The following TTC23 variants were observed in gnomAD, a reference collection of about 807,000 sequenced individuals.
The protein encoded by TTC23 is tetratricopeptide repeat protein 23.
In TTC23, 58 loss-of-function variants were observed where a neutral mutation model predicts 55.1. The observed-to-expected ratio is 1.05, with a 90% CI of 0.85 to 1.31. TTC23 has a LOEUF of 1.31. TTC23 is among the 50% of genes most tolerant of loss of function. The probability of loss-of-function intolerance (pLI) is 0.00; values close to 1 mark genes in which losing one functional copy is unlikely to be tolerated. For synonymous variants in TTC23, 203 were observed against 199.9 expected (o/e 1.02, Z -0.13); for missense variants, 516 against 534.4 (o/e 0.97, Z 0.34).
chr15:99,175,813 G>A (rs1182563018), intron 9 of TTC23, among the ~76,000 whole-genome samples: 4 of 152,166 alleles, frequency 2.6e-5, no homozygotes, highest in African/African-American at 9.7e-5. Flanking sequence ...TGGCCAACAT[G>A]GTGAAACCTC....
intron 9 of TTC23, among the ~76,000 whole-genome samples, chr15:99,189,108 A>G (rs1302187174): frequency 2.6e-5 from 4 of 152,190 alleles, no homozygotes; most frequent in African/African-American, 9.6e-5. Context: ...AAAAACCCAT[A>G]GTACATACAT....
At chr15:99,179,908 T>C (rs1212617046) in intron 9 of TTC23, among the ~76,000 whole-genome samples, 1 of 152,254 alleles carries the variant, frequency 6.6e-6, no homozygotes, top group East Asian at 1.9e-4. Flanking sequence ...TGCTAGTGTT[T>C]AGACTACACT....
intron 1 of TTC23, among the ~76,000 whole-genome samples, chr15:99,247,214 G>GGA (rs1271215436): frequency 1.3e-5 from 2 of 152,044 alleles, no homozygotes; most frequent in Admixed American, 6.6e-5. Flanking sequence ...CATACACTCT[G>GGA]GTGGAAATGT....
At position 99,165,754 on chromosome 15, in the gene TTC23, C is replaced by T. The variant is rs1361218094; in HGVS notation, c.866-3887G>A. 5.3e-5 allele frequency among the ~76,000 whole-genome samples: 8 copies of T among 152,120 alleles called. No individual in the cohort carries two copies. In the East Asian group the frequency reaches 1.2e-3, roughly 22 times the overall value. On this transcript the variant is annotated intron_variant, in intron 10 of 13. Coordinates refer to ENST00000394132, the MANE Select transcript of TTC23 (RefSeq NM_001288615.3). ...TAGCTGCCCATGCGAGAAAACGTTG[C>T]AGATTTAATGTGCAAACTGAGTATT... is the stretch of plus-strand genomic sequence containing the variant.
chr15:99,140,963 CAA>C (rs1202101078), intron 12 of TTC23: 1 of 152,108 alleles, frequency 6.6e-6, no homozygotes, highest in African/African-American at 2.4e-5. Flanking sequence ...ACAGATTATT[CAA>C]AGAGTTGAAA....
intron 2 of TTC23, among the ~76,000 whole-genome samples, chr15:99,244,907 A>G (rs1053890542): frequency 1.3e-5 from 2 of 152,236 alleles, no homozygotes; most frequent in Non-Finnish European, 2.9e-5. Context: ...AAGTAATCAA[A>G]AGTGTTGTAC....
intron 1 of TTC23, among the ~76,000 whole-genome samples, chr15:99,248,874 C>A (rs1235452083): frequency 6.6e-6 from 1 of 152,056 alleles, no homozygotes. Flanking sequence ...CATGCTGATT[C>A]TGCTTCAGGT....
At chr15:99,199,375 C>G (rs2076006468) in intron 9 of TTC23, among the ~76,000 whole-genome samples, 1 of 140,822 alleles carries the variant, frequency 7.1e-6, no homozygotes, top group Admixed American at 7.6e-5. Flanking sequence ...TGAAACCAGC[C>G]TGGGCAACAT....
intron 10 of TTC23, among the ~76,000 whole-genome samples, chr15:99,173,869 G>C (rs557153128): frequency 6.6e-6 from 1 of 152,140 alleles, no homozygotes; most frequent in Non-Finnish European, 1.5e-5. Flanking sequence ...TGCTTGCTTG[G>C]TTCCTGTAGA....
intron 9 of TTC23, among the ~76,000 whole-genome samples, chr15:99,197,938 G>T (rs1447534673): frequency 6.6e-6 from 1 of 151,870 alleles, no homozygotes; most frequent in Non-Finnish European, 1.5e-5. Context: ...AAAAGAAAGG[G>T]ACAGAGGACA....
chr15:99,161,077 G>A (rs916295602), intron 11 of TTC23: 1 of 150,702 alleles, frequency 6.6e-6, no homozygotes, highest in Non-Finnish European at 1.5e-5. Flanking sequence ...GGTGCGCTGA[G>A]AAGAGGGTGT....
intron 8 of TTC23, among the ~76,000 whole-genome samples, chr15:99,205,425 G>C (rs750234211): frequency 2.0e-5 from 3 of 152,046 alleles, no homozygotes; most frequent in Middle Eastern, 3.2e-3. Flanking sequence ...TCCAATCCAT[G>C]AACATGAAAT....
chr15:99,199,823 G>C, intron 9 of TTC23, 96 bp downstream of exon 9: 1 of 1,283,872 alleles, frequency 7.8e-7, no homozygotes, highest in Non-Finnish European at 1.1e-6. Context: ...TAGAGCAAAT[G>C]ACAAAGCCAG....
At chr15:99,215,976 G>C (rs910856265) in intron 8 of TTC23, among the ~76,000 whole-genome samples, 2 of 152,108 alleles carry the variant, frequency 1.3e-5, no homozygotes, top group African/African-American at 2.4e-5. Flanking sequence ...CTAGGATATA[G>C]TATCAGACAG....
intron 11 of TTC23, among the ~76,000 whole-genome samples, chr15:99,161,391 A>G (rs2071362130): frequency 1.3e-5 from 2 of 152,204 alleles, no homozygotes; most frequent in Admixed American, 6.5e-5. Context: ...TTAGACATGC[A>G]AACTCCATTC....
At chr15:99,228,805 C>T (rs1342691274) in intron 4 of TTC23, 73 bp from the exon 5 acceptor site, 3 of 1,192,324 alleles carry the variant, frequency 2.5e-6, no homozygotes, top group Non-Finnish European at 2.3e-6. Context: ...TACATTTCAA[C>T]ACTATACCCA....
At chr15:99,205,394 C>T (rs1369720464) in intron 8 of TTC23, among the ~76,000 whole-genome samples, 1 of 152,102 alleles carries the variant, frequency 6.6e-6, no homozygotes, top group Non-Finnish European at 1.5e-5. Flanking sequence ...GTCGTAGGCA[C>T]ATTTCAACAA....
At chr15:99,230,997 C>T (rs1274150692) in intron 4 of TTC23, among the ~76,000 whole-genome samples, 2 of 152,190 alleles carry the variant, frequency 1.3e-5, no homozygotes, top group African/African-American at 4.8e-5. Context: ...TCAATGACTG[C>T]ATACATAAAG....
intron 6 of TTC23, among the ~76,000 whole-genome samples, chr15:99,221,398 T>C (rs2077913384): frequency 6.6e-6 from 1 of 152,230 alleles, no homozygotes; most frequent in Non-Finnish European, 1.5e-5. Flanking sequence ...AATAAAAGTG[T>C]GAATGGATCC....
Sources: allele counts gnomAD v4.1 joint callset (sites outside exome capture counted in the v4.1 genomes callset), GRCh38; gene constraint gnomAD v4.1.1; transcripts MANE v1.5; gene names NCBI Gene and HGNC (gene_info 2026-07-23, HGNC 2026-07-21).